BLTP3B: variants seen among roughly 807,000 people sequenced by gnomAD.
The protein encoded by BLTP3B is UHRF1 (ICBP90) binding protein 1-like.
At chr12:100,110,105 A>G in the BLTP3B span, among the ~76,000 whole-genome samples, 1 of 152,226 alleles carries the variant, frequency 6.6e-6, no homozygotes, top group Non-Finnish European at 1.5e-5. Flanking sequence ...GAAATTACTG[A>G]AAAAAACTAA....
the BLTP3B span, among the ~76,000 whole-genome samples, chr12:100,118,007 T>G: frequency 6.6e-6 from 1 of 151,762 alleles, no homozygotes; most frequent in Non-Finnish European, 1.5e-5. Context: ...CCTGGACTTA[T>G]GTGTATCGAT....
the BLTP3B span, among the ~76,000 whole-genome samples, chr12:100,122,877 CA>C: frequency 6.6e-6 from 1 of 152,172 alleles, no homozygotes; most frequent in African/African-American, 2.4e-5. Flanking sequence ...TAGAGAAGGC[CA>C]AACTTTCTCC....
At chr12:100,140,072 G>C in the BLTP3B span, among the ~76,000 whole-genome samples, 1 of 152,096 alleles carries the variant, frequency 6.6e-6, no homozygotes, top group African/African-American at 2.4e-5. Context: ...CTTCATTACT[G>C]GATATTCTAT....
At chr12:100,088,960 G>C in the BLTP3B span, 1 of 1,584,068 alleles carries the variant, frequency 6.3e-7, no homozygotes, top group Non-Finnish European at 8.6e-7. Flanking sequence ...AGATCTAGAT[G>C]AGAAATCACT....
the BLTP3B span, among the ~76,000 whole-genome samples, chr12:100,103,569 T>G: frequency 6.6e-6 from 1 of 152,192 alleles, no homozygotes; most frequent in Non-Finnish European, 1.5e-5. Context: ...ACATATTTCA[T>G]AATTTACTAG....
the BLTP3B span, among the ~76,000 whole-genome samples, chr12:100,078,669 T>C: frequency 6.6e-6 from 1 of 152,210 alleles, no homozygotes; most frequent in Non-Finnish European, 1.5e-5. Context: ...TACACATCTA[T>C]ATAGGGTTCC....
chr12:100,117,582 G>A, the BLTP3B span, among the ~76,000 whole-genome samples: 2 of 151,164 alleles, frequency 1.3e-5, no homozygotes, highest in Non-Finnish European at 3.0e-5. Context: ...CCCCTGCCTC[G>A]ACCTCCTAAG....
chr12:100,124,957 TA>T, the BLTP3B span, among the ~76,000 whole-genome samples: 3 of 100,438 alleles, frequency 3.0e-5, no homozygotes, highest in South Asian at 2.8e-4. Context: ...TATATATATA[TA>T]TATATATATA....
At chr12:100,040,249 G>C in the BLTP3B span, among the ~76,000 whole-genome samples, 1 of 152,156 alleles carries the variant, frequency 6.6e-6, no homozygotes, top group Non-Finnish European at 1.5e-5. Flanking sequence ...AGATAACTTA[G>C]GGCAGGCACA....
the BLTP3B span, among the ~76,000 whole-genome samples, chr12:100,123,411 A>T: frequency 3.9e-5 from 6 of 152,166 alleles, no homozygotes; most frequent in African/African-American, 1.4e-4. Context: ...ACACAACAAT[A>T]ATCATCAACA....
the BLTP3B span, among the ~76,000 whole-genome samples, chr12:100,131,309 T>G: frequency 6.9e-6 from 1 of 145,894 alleles, no homozygotes; most frequent in South Asian, 2.1e-4. Context: ...AGACCCTGTC[T>G]CAAAAAAAAA....
chr12:100,066,183 A>C, the BLTP3B span, among the ~76,000 whole-genome samples: 2 of 152,162 alleles, frequency 1.3e-5, no homozygotes, highest in Non-Finnish European at 2.9e-5. Flanking sequence ...GGGTGGAAAA[A>C]GACATTTCAT....
chr12:100,075,257 A>G, the BLTP3B span, among the ~76,000 whole-genome samples: 1 of 151,960 alleles, frequency 6.6e-6, no homozygotes, highest in African/African-American at 2.4e-5. Context: ...TGATCCGCCC[A>G]CCTCGGCCTC....
At chr12:100,128,808 T>A in the BLTP3B span, 1 of 1,151,704 alleles carries the variant, frequency 8.7e-7, no homozygotes, top group Non-Finnish European at 1.1e-6. Flanking sequence ...TTAAAAAAAT[T>A]TAGCTGTGGT....
chr12:100,138,889 A>C, the BLTP3B span, among the ~76,000 whole-genome samples: 3 of 151,742 alleles, frequency 2.0e-5, no homozygotes, highest in Non-Finnish European at 2.9e-5. Context: ...ACACACACTA[A>C]TGTCTTGAGC....
chr12:100,053,082 T>C, the BLTP3B span, among the ~76,000 whole-genome samples: 2 of 151,128 alleles, frequency 1.3e-5, no homozygotes, highest in East Asian at 4.1e-4. Flanking sequence ...TGTAAACCAC[T>C]GCGCTCGGCC....
the BLTP3B span, chr12:100,128,762 G>A: frequency 1.6e-6 from 2 of 1,253,596 alleles, no homozygotes; most frequent in Non-Finnish European, 2.1e-6. Flanking sequence ...ACAGAAGGGA[G>A]CAAGTTTAAG....
chr12:100,088,849 A>G, the BLTP3B span: 6 of 1,282,982 alleles, frequency 4.7e-6, no homozygotes, highest in Non-Finnish European at 6.2e-6. Context: ...AGATTTAATA[A>G]ACAATCCAGT....
the BLTP3B span, among the ~76,000 whole-genome samples, chr12:100,141,080 C>T: frequency 2.6e-5 from 4 of 151,534 alleles, no homozygotes; most frequent in African/African-American, 7.3e-5. Context: ...ATGAGAAAGG[C>T]GGGAGGACAT....
Sources: allele counts gnomAD v4.1 joint callset (sites outside exome capture counted in the v4.1 genomes callset), GRCh38; gene constraint gnomAD v4.1.1; transcripts MANE v1.5; gene names NCBI Gene and HGNC (gene_info 2026-07-23, HGNC 2026-07-21).